Variants in NHERF2 observed in about 807,000 individuals in gnomAD.
NHERF2 encodes Na(+)/H(+) exchange regulatory cofactor NHE-RF2.
chr16:2,035,419 C>T, the NHERF2 span: 1 of 985,878 alleles, frequency 1.0e-6, no homozygotes, highest in Non-Finnish European at 1.2e-6. Flanking sequence ...TGTGGTCCCT[C>T]AGGGACACAC....
At chr16:2,036,318 C>T in the NHERF2 span, 2 of 1,603,516 alleles carry the variant, frequency 1.2e-6, no homozygotes, top group Non-Finnish European at 8.5e-7. Flanking sequence ...TCCGTTGGGC[C>T]TGCAGGATGT....
At chr16:2,032,699 A>T in the NHERF2 span, 2 of 506,434 alleles carry the variant, frequency 3.9e-6, no homozygotes, top group Non-Finnish European at 5.1e-6. This position sits in a 1 kb window ranked among gnomAD's most constrained non-coding sequence, Gnocchi z 4.0. Flanking sequence ...GTGAAGGCCT[A>T]GTTAGTGATG....
At chr16:2,033,912 TG>T in the NHERF2 span, among the ~76,000 whole-genome samples, 1 of 152,184 alleles carries the variant, frequency 6.6e-6, no homozygotes, top group African/African-American at 2.4e-5. Flanking sequence ...CTGGCGCCAC[TG>T]GGACCCTGCT....
At chr16:2,032,479 G>A in the NHERF2 span, among the ~76,000 whole-genome samples, 5 of 152,354 alleles carry the variant, frequency 3.3e-5, no homozygotes, top group South Asian at 2.1e-4. The surrounding 1 kb of genome is among the most constrained non-coding windows in gnomAD (Gnocchi z 4.0). Flanking sequence ...CTTACCTTGC[G>A]GGGATGGCTC....
the NHERF2 span, among the ~76,000 whole-genome samples, chr16:2,031,713 C>G: frequency 6.6e-6 from 1 of 152,168 alleles, no homozygotes. Context: ...GTCTCCCCTT[C>G]TCTCTTCTGG....
the NHERF2 span, chr16:2,032,955 G>T: frequency 3.6e-6 from 4 of 1,099,464 alleles, no homozygotes; most frequent in East Asian, 3.5e-4. This position sits in a 1 kb window ranked among gnomAD's most constrained non-coding sequence, Gnocchi z 4.0. Context: ...GCGGCTGTGT[G>T]GTTGGGGCGC....
the NHERF2 span, chr16:2,035,968 C>G: frequency 3.8e-6 from 1 of 262,288 alleles, no homozygotes; most frequent in Non-Finnish European, 7.2e-6. Context: ...ACAGGCAGAG[C>G]CCTCAGGGAC....
the NHERF2 span, chr16:2,035,560 T>C: frequency 3.0e-6 from 3 of 987,036 alleles, no homozygotes; most frequent in South Asian, 9.4e-5. Flanking sequence ...GCCACCGCCA[T>C]GTTTAACTGA....
At chr16:2,029,676 G>A in the NHERF2 span, 23 of 1,563,748 alleles carry the variant, frequency 1.5e-5, 1 homozygote, top group East Asian at 2.4e-5. Context: ...CAGCTGACCT[G>A]TACCGAGGAG....
chr16:2,033,621 T>C, the NHERF2 span, among the ~76,000 whole-genome samples: 1 of 152,168 alleles, frequency 6.6e-6, no homozygotes, highest in Non-Finnish European at 1.5e-5. Flanking sequence ...CATGCCAGCC[T>C]CTTTGTCCGG....
chr16:2,032,886 C>A, the NHERF2 span: 1 of 1,030,094 alleles, frequency 9.7e-7, no homozygotes, highest in Non-Finnish European at 1.2e-6. The surrounding 1 kb of genome is among the most constrained non-coding windows in gnomAD (Gnocchi z 4.0). Context: ...TGTCTCCACC[C>A]CCATCTGGAG....
the NHERF2 span, chr16:2,038,019 C>G: frequency 2.5e-6 from 4 of 1,609,414 alleles, no homozygotes; most frequent in Non-Finnish European, 3.4e-6. Context: ...CCTGGGACCC[C>G]TCCCGCACGG....
chr16:2,031,860 T>G, the NHERF2 span, among the ~76,000 whole-genome samples: 8 of 151,724 alleles, frequency 5.3e-5, no homozygotes, highest in African/African-American at 1.9e-4. Context: ...CCTGACTAAT[T>G]TTTGTGTTTT....
the NHERF2 span, among the ~76,000 whole-genome samples, chr16:2,032,579 G>A: frequency 1.3e-5 from 2 of 152,232 alleles, no homozygotes; most frequent in African/African-American, 4.8e-5. The surrounding 1 kb of genome is among the most constrained non-coding windows in gnomAD (Gnocchi z 4.0). Context: ...CCCAACTTTG[G>A]GTGCCCCCTG....
the NHERF2 span, chr16:2,033,374 C>G: frequency 5.9e-6 from 9 of 1,533,290 alleles, no homozygotes; most frequent in Admixed American, 2.0e-5. Flanking sequence ...GGGAGTGCCA[C>G]GCCACCTGCC....
chr16:2,027,463 G>A, the NHERF2 span, among the ~76,000 whole-genome samples: 1 of 152,248 alleles, frequency 6.6e-6, no homozygotes, highest in Non-Finnish European at 1.5e-5. Flanking sequence ...CTCGCCCTTT[G>A]GTCGCGTTTT....
the NHERF2 span, among the ~76,000 whole-genome samples, chr16:2,027,522 C>T: frequency 6.6e-6 from 1 of 152,234 alleles, no homozygotes; most frequent in African/African-American, 2.4e-5. Context: ...GGAGCCCCTC[C>T]GGAAAGGTGA....
chr16:2,034,837 A>G, the NHERF2 span, among the ~76,000 whole-genome samples: 1 of 152,116 alleles, frequency 6.6e-6, no homozygotes, highest in Non-Finnish European at 1.5e-5. Flanking sequence ...GTCCCAGGCC[A>G]GCCTGGGGGC....
At chr16:2,036,700 C>T in the NHERF2 span, 52 of 1,606,496 alleles carry the variant, frequency 3.2e-5, no homozygotes, top group South Asian at 1.4e-4. Flanking sequence ...GGGCCCATGG[C>T]GGGGCTGATA....
Sources: allele counts gnomAD v4.1 joint callset (sites outside exome capture counted in the v4.1 genomes callset), GRCh38; gene constraint gnomAD v4.1.1; non-coding constraint Gnocchi (gnomAD v3.1); transcripts MANE v1.5; gene names NCBI Gene and HGNC (gene_info 2026-07-23, HGNC 2026-07-21).